Variants in CDCA7L observed in about 807,000 individuals in gnomAD.
CDCA7L encodes cell division cycle associated 7 like.
Under a neutral mutation model 57.4 loss-of-function variants are expected in CDCA7L, and 44 were observed. That is an observed-to-expected ratio of 0.77 (90% CI 0.60 to 0.98). CDCA7L has a LOEUF of 0.98. CDCA7L is among the 50% of genes least tolerant of loss of function. The pLI, the probability that CDCA7L is intolerant of heterozygous loss-of-function variation, is 0.00. For missense variants in CDCA7L, 644 were observed against 580.6 expected, an observed-to-expected ratio of 1.11 and a Z score of -1.12; for synonymous variants, 236 against 202.8, an observed-to-expected ratio of 1.16 and a Z score of -1.39.
Position 21,916,789 on chromosome 7 carries a change from A to C in CDCA7L, c.130T>G (p.Cys44Gly), listed in dbSNP as rs1379611223. The change falls in exon 2 of 10, where the codon TGC (cysteine) becomes GGC (glycine). Residue 44 changes from cysteine to glycine, a missense_variant. Physicochemically the swap from Cys to Gly is radical, Grantham distance 159. Coordinates refer to ENST00000406877, the MANE Select transcript of CDCA7L (RefSeq NM_018719.5). The stretch of plus-strand genomic sequence containing the variant: ...GACTCTAGTGAGTCAAAACTATCGC[A>C]GCTCTCCTCTGACGAGAGGGTTTCC... ...PMETLSSEES[C>G]DSFDSLESGK... 27 of 1,614,002 alleles carry C rather than the reference A, an allele frequency of 1.7e-5. No homozygotes were observed. Among genetic ancestry groups the C allele is most frequent in the Non-Finnish European group, 2.3e-5 (27 of 1,179,940 alleles).
chr7:21,909,263 C>T (rs1785238517), intron 3 of CDCA7L, among the ~76,000 whole-genome samples: 2 of 152,136 alleles, frequency 1.3e-5, no homozygotes, highest in South Asian at 4.2e-4. Context: ...ACCTAGGTGA[C>T]AGCTTGGATG....
At chr7:21,911,537 T>G (rs1785327127) in intron 3 of CDCA7L, 80 bp downstream of exon 3, 1 of 1,460,824 alleles carries the variant, frequency 6.8e-7, no homozygotes, top group African/African-American at 1.4e-5. Context: ...ACTTGTGAAG[T>G]GACTGCTTAC....
chr7:21,931,350 C>A (rs747158434), intron 1 of CDCA7L, among the ~76,000 whole-genome samples: 3 of 152,158 alleles, frequency 2.0e-5, no homozygotes, highest in Non-Finnish European at 4.4e-5. Context: ...ACCAGTATCC[C>A]TGATGAACGA....
At chr7:21,927,557 A>G (rs1200932558) in intron 1 of CDCA7L, among the ~76,000 whole-genome samples, 1 of 152,306 alleles carries the variant, frequency 6.6e-6, no homozygotes, top group East Asian at 1.9e-4. Flanking sequence ...CAATATAGGA[A>G]TGATGGGAGA....
At chr7:21,938,229 G>C (rs1471152327) in intron 1 of CDCA7L, among the ~76,000 whole-genome samples, 2 of 151,972 alleles carry the variant, frequency 1.3e-5, no homozygotes, top group Non-Finnish European at 2.9e-5. Flanking sequence ...TTAAGAAATG[G>C]GCAAAGGACT....
At chr7:21,926,928 T>A (rs942895561) in intron 1 of CDCA7L, among the ~76,000 whole-genome samples, 4 of 150,954 alleles carry the variant, frequency 2.6e-5, no homozygotes, top group African/African-American at 4.9e-5. Flanking sequence ...CCATGGGGAG[T>A]GGAAAAAAGC....
At chr7:21,906,211 G>T in intron 6 of CDCA7L, 78 bp downstream of exon 6, 1 of 1,406,278 alleles carries the variant, frequency 7.1e-7, no homozygotes, top group Non-Finnish European at 9.7e-7. Context: ...CCAGCCCTGG[G>T]GTGACAGTGA....
intron 1 of CDCA7L, among the ~76,000 whole-genome samples, chr7:21,917,896 TAATTC>T (rs1435968290): frequency 2.0e-5 from 3 of 152,262 alleles, no homozygotes; most frequent in Admixed American, 6.5e-5. Flanking sequence ...TAATTAACAT[TAATTC>T]AATAGTACGA....
chr7:21,923,428 G>A (rs1370810352), intron 1 of CDCA7L, among the ~76,000 whole-genome samples: 1 of 152,120 alleles, frequency 6.6e-6, no homozygotes, highest in Admixed American at 6.5e-5. Flanking sequence ...ATGAGTTAGA[G>A]GCTGCATGCA....
intron 1 of CDCA7L, among the ~76,000 whole-genome samples, chr7:21,924,153 G>T (rs1354106445): frequency 6.6e-6 from 1 of 151,830 alleles, no homozygotes; most frequent in Non-Finnish European, 1.5e-5. Context: ...ATCCTTCCTG[G>T]ATTAAAAAAT....
chr7:21,943,093 C>G (rs1235092341), intron 1 of CDCA7L, among the ~76,000 whole-genome samples: 2 of 152,226 alleles, frequency 1.3e-5, no homozygotes, highest in African/African-American at 4.8e-5. Flanking sequence ...CAAGCTGGAG[C>G]TCCCATGAGC....
chr7:21,916,112 G>A (rs1321202558), intron 2 of CDCA7L, among the ~76,000 whole-genome samples: 35 of 152,088 alleles, frequency 2.3e-4, no homozygotes, highest in Admixed American at 2.3e-3. Context: ...TTAATTTGCT[G>A]CCTTTTTGGA....
Position 21,908,118 on chromosome 7 carries a change from G to A in CDCA7L, c.681+12C>T, listed in dbSNP as rs147800695. The A allele has an allele frequency of 5.9e-4, 896 of 1,509,860 alleles. 3 individuals are homozygous for A. The African/African-American group carries it at 9.3e-3, about 16-fold the overall frequency. The allele number at this position is 1,509,860 out of a possible 1,614,324, so 93.5% of individuals were successfully genotyped here. A position where few individuals can be genotyped will look rare whatever the true frequency, so the allele number is the denominator to read the frequency against. ...GGTGCCAACTCCCAGGACGCCCTCC[G>A]TGAAGCCTCACCATGGCTTTGTTCT... On this transcript the variant is annotated intron_variant, in intron 4 of 9. Transcript: ENST00000406877.
At chr7:21,914,652 C>T (rs1330123518) in intron 2 of CDCA7L, among the ~76,000 whole-genome samples, 2 of 152,070 alleles carry the variant, frequency 1.3e-5, no homozygotes, top group East Asian at 1.9e-4. Context: ...AGAGACCCGG[C>T]GGGGTAAGAG....
intron 1 of CDCA7L, among the ~76,000 whole-genome samples, chr7:21,917,487 C>G (rs936188087): frequency 2.0e-5 from 3 of 152,202 alleles, no homozygotes; most frequent in Non-Finnish European, 4.4e-5. Context: ...TGTCAGCACA[C>G]TTAATCCACA....
Position 21,916,876 on chromosome 7 carries a change from C to T in CDCA7L, c.43G>A (p.Asp15Asn). The stretch of plus-strand genomic sequence containing the variant: ...TCATCACTGGGGGCGTTAAAGATGT[C>T]AGCCACTTCTTTAGGGATCTGTTTT... ...TRYQIPKEVADIFNAPSDDEE... is the reference protein window; with the variant it reads ...TRYQIPKEVANIFNAPSDDEE... Residue 15 changes from aspartate (D) to asparagine (N), a missense_variant, in exon 2 of 10, where the codon GAC (aspartate) becomes AAC (asparagine). Physicochemically the swap from Asp to Asn is conservative, Grantham distance 23. Transcript: ENST00000406877. 1 of 1,614,090 alleles carries T rather than the reference C, an allele frequency of 6.2e-7. No individual in the cohort carries two copies. Among genetic ancestry groups the T allele is most frequent in the Non-Finnish European group, 8.5e-7 (1 of 1,179,968 alleles).
intron 3 of CDCA7L, among the ~76,000 whole-genome samples, chr7:21,908,807 T>G (rs1440348541): frequency 1.3e-5 from 2 of 152,082 alleles, no homozygotes; most frequent in Non-Finnish European, 2.9e-5. Context: ...TCCTCCACCG[T>G]GGGACAACCA....
chr7:21,904,361 C>A, intron 7 of CDCA7L, 102 bp from the exon 8 acceptor site: 1 of 1,163,928 alleles, frequency 8.6e-7, no homozygotes. Context: ...AGAAATACCC[C>A]CGTCTCCTCG....
intron 2 of CDCA7L, among the ~76,000 whole-genome samples, chr7:21,916,317 C>T (rs1011323925): frequency 6.6e-6 from 1 of 152,038 alleles, no homozygotes; most frequent in Admixed American, 6.6e-5. Flanking sequence ...AGGCTCTCCC[C>T]AGCAATTCCA....
Sources: gnomAD v4.1 joint callset for allele counts (sites outside exome capture counted in the v4.1 genomes callset) on GRCh38, gnomAD v4.1.1 for gene constraint, MANE v1.5 for transcripts, NCBI Gene and HGNC (gene_info 2026-07-23, HGNC 2026-07-21) for gene names.